The following ACSS3 variants were observed in gnomAD, a reference collection of about 807,000 sequenced individuals.
ACSS3 encodes the protein acyl-CoA synthetase short chain family member 3.
ACSS3 carries 64 observed loss-of-function variants against 84.2 expected under a neutral mutation model. That is an observed-to-expected ratio of 0.76 (90% CI 0.62 to 0.94). The LOEUF (loss-of-function observed/expected upper bound fraction) is 0.94, where lower values mean the gene tolerates loss of function less well. Among genes scored for constraint, ACSS3 ranks in the 40% least tolerant of loss-of-function variants. ACSS3 has a pLI of 0.00. For synonymous variants in ACSS3, 317 were observed against 310.1 expected (o/e 1.02, Z -0.23); for missense variants, 815 against 867.6 (o/e 0.94, Z 0.76).
chr12:81,168,092 G>C (rs1417163452), intron 7 of ACSS3, among the ~76,000 whole-genome samples: 1 of 152,172 alleles, frequency 6.6e-6, no homozygotes, highest in Non-Finnish European at 1.5e-5. Flanking sequence ...AAGAAGACAG[G>C]TTGGTTGGAG....
chr12:81,191,310 T>C (rs1238134977), intron 8 of ACSS3, among the ~76,000 whole-genome samples: 3 of 152,148 alleles, frequency 2.0e-5, no homozygotes, highest in Admixed American at 6.5e-5. Context: ...AAAAATCTTC[T>C]ATGCTCCACC....
intron 2 of ACSS3, among the ~76,000 whole-genome samples, chr12:81,110,030 T>G (rs532180670): frequency 6.6e-6 from 1 of 152,346 alleles, no homozygotes; most frequent in African/African-American, 2.4e-5. Context: ...GATCTTGTAC[T>G]ATTGAAACAG....
At chr12:81,132,363 G>A (rs1056377128) in intron 2 of ACSS3, among the ~76,000 whole-genome samples, 2 of 152,144 alleles carry the variant, frequency 1.3e-5, no homozygotes, top group African/African-American at 4.8e-5. Flanking sequence ...TTGGGAGGGT[G>A]TATGTGTACA....
chr12:81,104,228 C>T (rs1194346778), intron 1 of ACSS3, among the ~76,000 whole-genome samples: 1 of 152,010 alleles, frequency 6.6e-6, no homozygotes, highest in Non-Finnish European at 1.5e-5. Context: ...TTGTAACCCA[C>T]ACTGGGTTCT....
chr12:81,254,944 T>C lies in ACSS3; in HGVS notation c.*22T>C. The C allele has an allele frequency of 1.3e-6, 2 of 1,525,338 alleles. No homozygotes were observed. Among genetic ancestry groups the C allele is most frequent in the African/African-American group, 1.4e-5 (1 of 71,430 alleles). 94.5% of individuals were successfully genotyped at this position (1,525,338 alleles called of 1,614,324 possible). ...ATAATGAGTTTGTCTTATTCCTATTTTGAGTTGATTTAATTTCTTAATTGA... is the reference window on the plus strand; with the variant it reads ...ATAATGAGTTTGTCTTATTCCTATTCTGAGTTGATTTAATTTCTTAATTGA... On this transcript the variant is annotated 3_prime_UTR_variant, in exon 16 of 16. Transcript: ENST00000548058.
chr12:81,145,084 T>C (rs1464918601), intron 5 of ACSS3, among the ~76,000 whole-genome samples: 1 of 144,190 alleles, frequency 6.9e-6, no homozygotes, highest in African/African-American at 2.5e-5. Context: ...TTTTTTTTTT[T>C]TTTTTGTATT....
chr12:81,244,037 T>C (rs1247183468), intron 13 of ACSS3, among the ~76,000 whole-genome samples: 1 of 152,170 alleles, frequency 6.6e-6, no homozygotes, highest in Non-Finnish European at 1.5e-5. Flanking sequence ...ACACATTACC[T>C]CAATTTTTTT....
At chr12:81,219,051 CA>C (rs1483188876) in intron 10 of ACSS3, among the ~76,000 whole-genome samples, 2 of 152,036 alleles carry the variant, frequency 1.3e-5, no homozygotes, top group Non-Finnish European at 2.9e-5. Context: ...TGTCACTTTG[CA>C]TACATTTTTA....
intron 9 of ACSS3, among the ~76,000 whole-genome samples, chr12:81,207,210 T>C (rs145807153): frequency 6.4e-4 from 97 of 152,286 alleles, no homozygotes; most frequent in Middle Eastern, 3.4e-3. Context: ...GCAAGAGTTA[T>C]CTATACCTTC....
chr12:81,258,198 C>A lies in ACSS3; in HGVS notation c.*3276C>A, dbSNP rs536114197. The A allele has an allele frequency of 6.6e-6, 1 of 152,208 alleles. No individual in the cohort carries two copies. The highest frequency in any genetic ancestry group is 2.1e-4 in the South Asian group (1 of 4,824). The allele number at this position is 152,208 out of a possible 1,614,324, so 9.4% of individuals were successfully genotyped here. ...AAATATTTGGGTCACCCAAAGAACA[C>A]ATTTCCTGATAGTTTAAGTAAATTG... On this transcript the variant is annotated 3_prime_UTR_variant, in exon 16 of 16. Transcript: ENST00000548058.
intron 7 of ACSS3, among the ~76,000 whole-genome samples, chr12:81,161,824 C>CATG (rs540606440): frequency 0.18 from 27,250 of 152,030 alleles, 2,754 homozygotes; most frequent in East Asian, 0.4. Context: ...AGCGTGGGGT[C>CATG]CAGCCACTGC....
At chr12:81,225,864 T>A (rs1197029258) in intron 11 of ACSS3, among the ~76,000 whole-genome samples, 2 of 151,652 alleles carry the variant, frequency 1.3e-5, no homozygotes, top group African/African-American at 2.4e-5. Flanking sequence ...AATAAAAGAG[T>A]AAATAAACAA....
chr12:81,214,048 T>C (rs1302975894), intron 9 of ACSS3, among the ~76,000 whole-genome samples: 2 of 149,648 alleles, frequency 1.3e-5, no homozygotes, highest in African/African-American at 4.9e-5. Context: ...CTTTTTTTAA[T>C]GGAGTCTTGC....
chr12:81,254,786 ATTGT>A (rs1267820557), intron 15 of ACSS3, 67 bp from the exon 16 acceptor site: 1 of 1,236,348 alleles, frequency 8.1e-7, no homozygotes, highest in Non-Finnish European at 1.1e-6. Flanking sequence ...ATTGCATATA[ATTGT>A]TTAATTATAG....
chr12:81,198,249 C>T (rs1481194972), intron 8 of ACSS3, among the ~76,000 whole-genome samples: 3 of 151,940 alleles, frequency 2.0e-5, no homozygotes, highest in Non-Finnish European at 4.4e-5. Context: ...TTTGATTGGT[C>T]TTGGGATTAT....
intron 2 of ACSS3, chr12:81,124,297 G>C (rs948009970): frequency 1.3e-5 from 2 of 152,086 alleles, no homozygotes; most frequent in Admixed American, 6.5e-5. Flanking sequence ...AGTTTTAAAC[G>C]ATTTTGATGG....
At chr12:81,095,716 C>T (rs1881996068) in intron 1 of ACSS3, among the ~76,000 whole-genome samples, 1 of 152,134 alleles carries the variant, frequency 6.6e-6, no homozygotes, top group African/African-American at 2.4e-5. Flanking sequence ...TGGCAATTCA[C>T]CTAGCTTTAA....
At chr12:81,200,463 ATTGT>A in intron 9 of ACSS3, among the ~76,000 whole-genome samples, 1 of 152,340 alleles carries the variant, frequency 6.6e-6, no homozygotes, top group Admixed American at 6.5e-5. Flanking sequence ...ATTAGCTCTG[ATTGT>A]AAAAATGATT....
chr12:81,164,520 G>A (rs949728545), intron 7 of ACSS3, among the ~76,000 whole-genome samples: 2 of 152,114 alleles, frequency 1.3e-5, no homozygotes, highest in Admixed American at 1.3e-4. Context: ...AAATATGCAA[G>A]TCTCATATTT....
Sources: allele counts gnomAD v4.1 joint callset (sites outside exome capture counted in the v4.1 genomes callset), GRCh38; gene constraint gnomAD v4.1.1; transcripts MANE v1.5; gene names NCBI Gene and HGNC (gene_info 2026-07-23, HGNC 2026-07-21).